The following FRMPD4 variants were observed in gnomAD, a reference collection of about 807,000 sequenced individuals.
The protein encoded by FRMPD4 is FERM and PDZ domain-containing protein 4.
In FRMPD4, 22 loss-of-function variants were observed where a neutral mutation model predicts 94.1. The observed-to-expected ratio is 0.23, with a 90% CI of 0.17 to 0.33. The LOEUF is 0.33. Among genes scored for constraint, FRMPD4 ranks in the 10% least tolerant of loss-of-function variants. The pLI, the probability that FRMPD4 is intolerant of heterozygous loss-of-function variation, is 1.00. For synonymous variants in FRMPD4, 631 were observed against 548.6 expected, an observed-to-expected ratio of 1.15 and a Z score of -2.10; for missense variants, 1,111 against 1,339.9, an observed-to-expected ratio of 0.83 and a Z score of 2.67.
intron 2 of FRMPD4, among the ~76,000 whole-genome samples, chrX:12,507,938 G>A (rs189108976): frequency 3.3e-4 from 37 of 111,957 alleles, no homozygotes; most frequent in African/African-American, 1.2e-3. Flanking sequence ...ACCTTTGTGG[G>A]AGGGGTACAG....
chrX:12,517,580 C>T (rs1195049148), intron 2 of FRMPD4, among the ~76,000 whole-genome samples: 2 of 112,555 alleles, frequency 1.8e-5, no homozygotes, highest in African/African-American at 3.2e-5. Flanking sequence ...CTGCTCCTTC[C>T]TCTGGGATCT....
At chrX:12,493,012 C>G in intron 1 of FRMPD4, among the ~76,000 whole-genome samples, 1 of 111,121 alleles carries the variant, frequency 9.0e-6, no homozygotes, top group Non-Finnish European at 1.9e-5. Flanking sequence ...ACAGTTTCTC[C>G]CTGAGGGTCA....
intron 13 of FRMPD4, among the ~76,000 whole-genome samples, chrX:12,710,114 C>A (rs1228414233): frequency 9.8e-6 from 1 of 102,494 alleles, no homozygotes; most frequent in Non-Finnish European, 2.0e-5. Context: ...GGCGACAGAG[C>A]GAGACCCTGT....
chrX:12,279,774 C>T (rs1253832988), intron 1 of FRMPD4, among the ~76,000 whole-genome samples: 2 of 110,853 alleles, frequency 1.8e-5, no homozygotes, highest in African/African-American at 6.6e-5. Context: ...GCCACACATC[C>T]TCATTACCCA....
intron 3 of FRMPD4, among the ~76,000 whole-genome samples, chrX:12,085,004 C>T (rs986266970): frequency 8.9e-5 from 10 of 111,856 alleles, no homozygotes; most frequent in Non-Finnish European, 1.9e-4. Flanking sequence ...GGATAAAATG[C>T]CTATAGTCTC....
At chrX:11,960,334 G>A (rs1005199629) in intron 3 of FRMPD4, among the ~76,000 whole-genome samples, 2 of 111,741 alleles carry the variant, frequency 1.8e-5, no homozygotes, top group Admixed American at 1.9e-4. Context: ...TTGGTTGCCA[G>A]CTCCTTCCTC....
intron 1 of FRMPD4, among the ~76,000 whole-genome samples, chrX:12,260,878 T>C (rs754560805): frequency 1.3e-3 from 145 of 112,326 alleles, no homozygotes; most frequent in Middle Eastern, 4.7e-3. Context: ...CTCTTTTTTC[T>C]GCATATGGCT....
At chrX:12,576,991 T>C (rs2148370695) in intron 2 of FRMPD4, among the ~76,000 whole-genome samples, 1 of 111,942 alleles carries the variant, frequency 8.9e-6, no homozygotes, top group East Asian at 2.8e-4. Context: ...AGGCTCTGAT[T>C]ACTGTTACAT....
chrX:12,627,921 G>A (rs1156550453), intron 4 of FRMPD4, among the ~76,000 whole-genome samples: 4 of 111,939 alleles, frequency 3.6e-5, no homozygotes, highest in Non-Finnish European at 7.5e-5. Context: ...TCTTCCTTTG[G>A]AACTACAAAT....
At chrX:11,919,143 A>G (rs1215303901) in intron 3 of FRMPD4, among the ~76,000 whole-genome samples, 1 of 112,050 alleles carries the variant, frequency 8.9e-6, no homozygotes, top group Non-Finnish European at 1.9e-5. Context: ...GGTATTTTAG[A>G]TTGTCCTGTG....
At chrX:12,642,652 A>G (rs1328137617) in intron 4 of FRMPD4, among the ~76,000 whole-genome samples, 3 of 113,106 alleles carry the variant, frequency 2.7e-5, no homozygotes, top group Admixed American at 9.3e-5. Context: ...CTGTAATCCC[A>G]AAACTTTGGA....
chrX:12,301,875 A>G (rs1019008390), intron 1 of FRMPD4, among the ~76,000 whole-genome samples: 1 of 111,984 alleles, frequency 8.9e-6, no homozygotes, highest in East Asian at 2.8e-4. Flanking sequence ...TAAGGATACA[A>G]TGAGTCACCT....
rs764175330 is a variant in FRMPD4, at chrX:12,126,655, A to G, written c.95+248637A>G. On this transcript the variant is annotated intron_variant, in intron 3 of 18. Transcript: ENST00000640291. ...TAGGGTGCTAAGGAACAAGTAGACCAGTCATCCTTGTCATTCCCCTAAACC... is the reference window on the plus strand; with the variant it reads ...TAGGGTGCTAAGGAACAAGTAGACCGGTCATCCTTGTCATTCCCCTAAACC... Among the ~76,000 whole-genome samples the G allele has an allele frequency of 9.0e-5, 10 of 111,649 alleles. No homozygotes were observed. In the East Asian group the frequency reaches 2.8e-3, roughly 32 times the overall value.
At chrX:12,268,870 G>A (rs772147688) in intron 1 of FRMPD4, among the ~76,000 whole-genome samples, 1 of 112,119 alleles carries the variant, frequency 8.9e-6, no homozygotes, top group African/African-American at 3.2e-5. Context: ...TCCCTCTGCT[G>A]GAAGTTTGGC....
In FRMPD4 at chrX:11,849,047, T is replaced by C. The variant is rs189054711; in HGVS notation, c.-160-16039T>C. ...TGTTCACTGGTGACATGATCTTACATGTAGAAAACCCTAAAGATTCTATGA... is the reference window on the plus strand; with the variant it reads ...TGTTCACTGGTGACATGATCTTACACGTAGAAAACCCTAAAGATTCTATGA... On this transcript the variant is annotated intron_variant, in intron 1 of 18. Coordinates refer to the FRMPD4 transcript ENST00000640291. Among the ~76,000 whole-genome samples the C allele has an allele frequency of 2.7e-5, 3 of 111,489 alleles. No homozygotes were observed. In the East Asian group the frequency reaches 8.5e-4, roughly 32 times the overall value.
At chrX:12,424,578 A>G in intron 1 of FRMPD4, among the ~76,000 whole-genome samples, 1 of 112,171 alleles carries the variant, frequency 8.9e-6, no homozygotes, top group Non-Finnish European at 1.9e-5. Context: ...GATCAGATAG[A>G]TCGAGGGTGG....
intron 2 of FRMPD4, 101 bp downstream of exon 2, chrX:12,498,897 A>G (rs1359233637): frequency 1.2e-5 from 5 of 420,624 alleles, no homozygotes; most frequent in Non-Finnish European, 2.1e-5. Flanking sequence ...ACTCATAGGC[A>G]TTTGGAGGCC....
chrX:12,568,069 G>C, intron 2 of FRMPD4, among the ~76,000 whole-genome samples: 1 of 111,230 alleles, frequency 9.0e-6, no homozygotes. Flanking sequence ...AGGGCTCAGT[G>C]CTTTGAAAAA....
intron 1 of FRMPD4, among the ~76,000 whole-genome samples, chrX:12,467,394 T>C (rs1308364833): frequency 2.7e-5 from 3 of 111,996 alleles, no homozygotes; most frequent in Non-Finnish European, 3.8e-5. Flanking sequence ...CAGATTTGGG[T>C]TGTGTCTACT....
Sources: gnomAD v4.1 joint callset for allele counts (sites outside exome capture counted in the v4.1 genomes callset) on GRCh38, gnomAD v4.1.1 for gene constraint, MANE v1.5 for transcripts, NCBI Gene and HGNC (gene_info 2026-07-23, HGNC 2026-07-21) for gene names.